The following CUBN variants were observed in gnomAD, a reference collection of about 807,000 sequenced individuals.
CUBN encodes the protein cubilin.
In CUBN, 282 loss-of-function variants were observed where a neutral mutation model predicts 405.3. That is an observed-to-expected ratio of 0.70 (90% CI 0.63 to 0.77). The LOEUF is 0.77. Among genes scored for constraint, CUBN ranks in the 30% least tolerant of loss-of-function variants. The pLI, the probability that CUBN is intolerant of heterozygous loss-of-function variation, is 0.00. For missense variants in CUBN, 4,514 were observed against 4,475.2 expected (o/e 1.01, Z -0.25); for synonymous variants, 1,684 against 1,617.0 (o/e 1.04, Z -0.99).
At chr10:16,856,088 A>G (rs1264776156) in intron 59 of CUBN, among the ~76,000 whole-genome samples, 2 of 152,206 alleles carry the variant, frequency 1.3e-5, no homozygotes, top group East Asian at 3.8e-4. Context: ...CTCTGTGACT[A>G]TGCAATAGAG....
chr10:16,965,205 A>G (rs1329585212), intron 31 of CUBN, among the ~76,000 whole-genome samples: 1 of 152,070 alleles, frequency 6.6e-6, no homozygotes, highest in African/African-American at 2.4e-5. Context: ...AGGCCACTAC[A>G]ACACCCTGAA....
At chr10:16,952,060 G>C (rs1461371904) in intron 33 of CUBN, among the ~76,000 whole-genome samples, 2 of 152,080 alleles carry the variant, frequency 1.3e-5, no homozygotes. Flanking sequence ...TGAAAAAAAA[G>C]AAATTGTTTT....
At chr10:16,947,390 T>C (rs1401821838) in intron 35 of CUBN, 23 bp from the exon 36 acceptor site, 9 of 1,613,302 alleles carry the variant, frequency 5.6e-6, no homozygotes, top group Non-Finnish European at 6.8e-6. Context: ...AGAAATAAAG[T>C]GAGTATCAGA....
intron 38 of CUBN, among the ~76,000 whole-genome samples, chr10:16,938,032 G>C (rs1413948682): frequency 6.6e-6 from 1 of 152,114 alleles, no homozygotes; most frequent in Non-Finnish European, 1.5e-5. Context: ...TGCACTGTGG[G>C]AATCACTCAT....
In CUBN at chr10:16,907,672, T is replaced by C. The variant is rs757930645; in HGVS notation, c.7541A>G (p.Asn2514Ser). 3 of 1,611,994 alleles carry C rather than the reference T, an allele frequency of 1.9e-6. No individual in the cohort carries two copies. The highest frequency in any genetic ancestry group is 1.1e-5 in the South Asian group (1 of 90,992). ...CTGGGGTGAGTTACTTCTAATGCCATTGAATACCTGTTGGAAAAAGAGTTT... is the reference window on the plus strand; with the variant it reads ...CTGGGGTGAGTTACTTCTAATGCCACTGAATACCTGTTGGAAAAAGAGTTT... ...SCNNEHVIVF[N>S]GIRSNSPQLE... Residue 2514 changes from asparagine to serine, a missense_variant, in exon 49 of 67, where the codon AAT becomes AGT. By Grantham distance (46) the Asn-to-Ser change is conservative. Coordinates refer to ENST00000377833, the MANE Select transcript of CUBN (RefSeq NM_001081.4).
intron 41 of CUBN, among the ~76,000 whole-genome samples, chr10:16,926,068 T>C (rs1045854660): frequency 1.3e-5 from 2 of 152,094 alleles, no homozygotes; most frequent in Non-Finnish European, 2.9e-5. Flanking sequence ...AACAAATACA[T>C]GATATGTGAG....
chr10:16,829,119 T>A, intron 65 of CUBN, 79 bp from the exon 66 acceptor site: 1 of 1,041,438 alleles, frequency 9.6e-7, no homozygotes, highest in Non-Finnish European at 1.5e-6. Context: ...AATAAGACTT[T>A]ATTTTCTTAA....
In CUBN at chr10:17,012,052, G is replaced by A. The variant is rs1290751286; in HGVS notation, c.4168+7781C>T. 2.0e-5 allele frequency among the ~76,000 whole-genome samples: 3 copies of A among 152,192 alleles called. No homozygotes were observed. The South Asian group carries it at 6.2e-4, about 32-fold the overall frequency. On this transcript the variant is annotated intron_variant, in intron 28 of 66. Coordinates refer to ENST00000377833, the MANE Select transcript of CUBN (RefSeq NM_001081.4). Reference sequence around the variant, plus strand: ...TGAAGTTGTAGTGTCCTCCAGAGGGGAACTCTTTAGGCTAATGAAAGGGCC... The same window carrying A: ...TGAAGTTGTAGTGTCCTCCAGAGGGAAACTCTTTAGGCTAATGAAAGGGCC...
Position 17,126,720 on chromosome 10 carries a change from T to C in CUBN, c.387+41A>G, listed in dbSNP as rs183617236. 14 of 1,600,210 alleles carry C rather than the reference T, an allele frequency of 8.7e-6. No individual in the cohort carries two copies. In the East Asian group the frequency reaches 2.9e-4, roughly 33 times the overall value. ...AGCTCTATTAATGATTCTAGTATGT[T>C]TTCTGTGAAAGATTTGGGTATGTAG... On this transcript the variant is annotated intron_variant, in intron 4 of 66. Transcript: ENST00000377833.
intron 5 of CUBN, among the ~76,000 whole-genome samples, chr10:17,123,111 C>T (rs1837085404): frequency 6.6e-6 from 1 of 152,208 alleles, no homozygotes; most frequent in Admixed American, 6.5e-5. Flanking sequence ...AAGATCACAG[C>T]AGTCACAGGA....
chr10:16,831,464 A>G, intron 64 of CUBN, 47 bp from the exon 65 acceptor site: 1 of 1,477,066 alleles, frequency 6.8e-7, no homozygotes, highest in Non-Finnish European at 9.5e-7. Flanking sequence ...TTCTTCTCTA[A>G]GGTATATACA....
chr10:16,883,584 G>A (rs535799972), intron 56 of CUBN, among the ~76,000 whole-genome samples: 1 of 152,276 alleles, frequency 6.6e-6, no homozygotes, highest in South Asian at 2.1e-4. Flanking sequence ...GCTTCTTGAT[G>A]GGGAAAAAAA....
intron 21 of CUBN, among the ~76,000 whole-genome samples, chr10:17,066,954 T>G (rs1218485213): frequency 6.6e-6 from 1 of 152,022 alleles, no homozygotes; most frequent in South Asian, 2.1e-4. Flanking sequence ...ACAACAAACC[T>G]TCAGAGACAG....
intron 60 of CUBN, among the ~76,000 whole-genome samples, chr10:16,845,118 C>T (rs938442952): frequency 2.0e-5 from 3 of 152,172 alleles, no homozygotes; most frequent in Non-Finnish European, 2.9e-5. Flanking sequence ...GCTACAACCA[C>T]GGCAAAATCC....
rs369400534 is a variant in CUBN at position 16,937,559 on chromosome 10, C to A, written c.5926+33G>T. The A allele has an allele frequency of 3.1e-6, 5 of 1,591,580 alleles. No homozygotes were observed. The African/African-American group carries it at 4.0e-5, about 13-fold the overall frequency. ...GAAACATTGGCCTGCACATATCAGT[C>A]CTAAAAAGAACTTCATTTATTACCA... is the stretch of plus-strand genomic sequence containing the variant. On this transcript the variant is annotated intron_variant, in intron 39 of 66. Coordinates refer to ENST00000377833, the MANE Select transcript of CUBN (RefSeq NM_001081.4).
chr10:17,123,522 G>T, intron 5 of CUBN, 66 bp downstream of exon 5: 1 of 1,204,408 alleles, frequency 8.3e-7, no homozygotes, highest in Non-Finnish European at 1.2e-6. Context: ...AAATATGCCT[G>T]ATGATTCCAA....
At chr10:16,924,508 A>G (rs893704633) in intron 43 of CUBN, among the ~76,000 whole-genome samples, 4 of 150,740 alleles carry the variant, frequency 2.7e-5, no homozygotes, top group African/African-American at 9.7e-5. Flanking sequence ...TTTCATTTAC[A>G]TATATATATA....
chr10:17,067,928 T>C lies in CUBN; in HGVS notation c.3008+136A>G, dbSNP rs377562439. 314 of 712,408 alleles carry C rather than the reference T, an allele frequency of 4.4e-4. 2 individuals carry two copies. The South Asian group carries it at 5.0e-3, about 11-fold the overall frequency. The allele number at this position is 712,408 out of a possible 1,614,324, so 44.1% of individuals were successfully genotyped here. On this transcript the variant is annotated intron_variant, in intron 21 of 66. Transcript: ENST00000377833. ...CAAGGCCACAACTACAGAGTAGTTA[T>C]GTAGAAATGGTCATTAAGAAGCATG...
intron 61 of CUBN, 116 bp from the exon 62 acceptor site, chr10:16,840,651 T>A (rs1839319311): frequency 1.0e-6 from 1 of 958,412 alleles, no homozygotes; most frequent in African/African-American, 1.6e-5. Context: ...TTTTCATTAC[T>A]CTATTAAGAA....
Sources: gnomAD v4.1 joint callset for allele counts (sites outside exome capture counted in the v4.1 genomes callset) on GRCh38, gnomAD v4.1.1 for gene constraint, MANE v1.5 for transcripts, NCBI Gene and HGNC (gene_info 2026-07-23, HGNC 2026-07-21) for gene names.